ACKR3: variants seen among roughly 807,000 people sequenced by gnomAD.
The protein encoded by ACKR3 is C-X-C chemokine receptor type 7.
In ACKR3, 6 loss-of-function variants were observed where a neutral mutation model predicts 22.4. That is an observed-to-expected ratio of 0.27 (90% CI 0.15 to 0.53). The LOEUF is 0.53. Among genes scored for constraint, ACKR3 ranks in the 20% least tolerant of loss-of-function variants. The probability of loss-of-function intolerance (pLI) is 0.96; values close to 1 mark genes in which losing one functional copy is unlikely to be tolerated. For missense variants in ACKR3, 396 were observed against 475.2 expected, an observed-to-expected ratio of 0.83 and a Z score of 1.55; for synonymous variants, 209 against 205.2, an observed-to-expected ratio of 1.02 and a Z score of -0.16.
chr2:236,573,747 C>T (rs1473872861), intron 1 of ACKR3, among the ~76,000 whole-genome samples: 1 of 152,212 alleles, frequency 6.6e-6, no homozygotes, highest in Non-Finnish European at 1.5e-5. Flanking sequence ...TGCAAAGCTG[C>T]CTGTGGGGTT....
chr2:236,554,776 A>C, the ACKR3 span, among the ~76,000 whole-genome samples: 1 of 152,008 alleles, frequency 6.6e-6, no homozygotes, highest in African/African-American at 2.4e-5. Context: ...AGGAAACAAA[A>C]CCCTTCCTCC....
At chr2:236,546,300 C>T in the ACKR3 span, among the ~76,000 whole-genome samples, 2 of 152,136 alleles carry the variant, frequency 1.3e-5, no homozygotes, top group South Asian at 4.1e-4. The surrounding 1 kb of genome is among the most constrained non-coding windows in gnomAD (Gnocchi z 4.9). Context: ...AGGACGGCTT[C>T]TCAGGGCCCA....
the ACKR3 span, among the ~76,000 whole-genome samples, chr2:236,551,301 A>C: frequency 4.6e-5 from 7 of 152,104 alleles, no homozygotes; most frequent in Non-Finnish European, 8.8e-5. Flanking sequence ...CGGCCATTTG[A>C]GTCCCTTGTC....
chr2:236,550,292 G>A, the ACKR3 span, among the ~76,000 whole-genome samples: 1 of 152,250 alleles, frequency 6.6e-6, no homozygotes, highest in Admixed American at 6.5e-5. The surrounding 1 kb of genome is among the most constrained non-coding windows in gnomAD (Gnocchi z 4.6). Flanking sequence ...TGCAAGACGA[G>A]GTCCGCATGG....
chr2:236,580,182 A>G (rs1434173890), intron 1 of ACKR3, among the ~76,000 whole-genome samples: 2 of 152,276 alleles, frequency 1.3e-5, no homozygotes, highest in South Asian at 4.1e-4. Context: ...GAACACAGCC[A>G]TGAAAAGATG....
At chr2:236,550,480 C>G in the ACKR3 span, among the ~76,000 whole-genome samples, 9 of 152,222 alleles carry the variant, frequency 5.9e-5, no homozygotes, top group African/African-American at 1.9e-4. This position sits in a 1 kb window ranked among gnomAD's most constrained non-coding sequence, Gnocchi z 4.6. Context: ...GCAGCACCTT[C>G]TGAGGATATC....
chr2:236,581,811 G>A lies in ACKR3; in HGVS notation c.*257G>A, dbSNP rs1183233838. ...TGTGCGTCAGAGCCAGCTGAGGACA[G>A]GCTTGCCTGGACTTCTGTAAGATAG... On this transcript the variant is annotated 3_prime_UTR_variant, in exon 2 of 2. Transcript: ENST00000272928. The surrounding 1 kb of genome is among the most constrained non-coding windows in gnomAD (Gnocchi z 4.4). The A allele has an allele frequency of 2.8e-6, 1 of 353,024 alleles. No homozygotes were observed. Among genetic ancestry groups the A allele is most frequent in the Non-Finnish European group, 5.3e-6 (1 of 187,186 alleles). 21.9% of individuals were successfully genotyped at this position (353,024 alleles called of 1,614,324 possible).
upstream of ACKR3, among the ~76,000 whole-genome samples, chr2:236,566,120 T>G (rs1691175723): frequency 6.6e-6 from 1 of 152,114 alleles, no homozygotes; most frequent in African/African-American, 2.4e-5. Context: ...CGCTTTTAAG[T>G]CAGGTGCGGT....
the ACKR3 span, among the ~76,000 whole-genome samples, chr2:236,544,390 G>C: frequency 6.6e-6 from 1 of 152,138 alleles, no homozygotes; most frequent in Non-Finnish European, 1.5e-5. This position sits in a 1 kb window ranked among gnomAD's most constrained non-coding sequence, Gnocchi z 5.0. Context: ...AGGGGTCATC[G>C]TATGATCAGC....
chr2:236,559,528 C>T, the ACKR3 span, among the ~76,000 whole-genome samples: 1 of 152,182 alleles, frequency 6.6e-6, no homozygotes, highest in African/African-American at 2.4e-5. Context: ...ACAATATGTG[C>T]TTTGCTTTGA....
intron 1 of ACKR3, among the ~76,000 whole-genome samples, chr2:236,572,487 C>T (rs1039666657): frequency 7.2e-5 from 11 of 152,228 alleles, no homozygotes; most frequent in Admixed American, 2.6e-4. Context: ...GCTTTTCCTG[C>T]TATAACAGAT....
chr2:236,548,586 A>G, the ACKR3 span, among the ~76,000 whole-genome samples: 1 of 152,108 alleles, frequency 6.6e-6, no homozygotes, highest in Admixed American at 6.5e-5. The surrounding 1 kb of genome is among the most constrained non-coding windows in gnomAD (Gnocchi z 4.3). Context: ...CAGCTTTGTC[A>G]CCTGCCCCGT....
At chr2:236,545,407 C>T in the ACKR3 span, among the ~76,000 whole-genome samples, 1 of 152,190 alleles carries the variant, frequency 6.6e-6, no homozygotes, top group Non-Finnish European at 1.5e-5. The surrounding 1 kb of genome is among the most constrained non-coding windows in gnomAD (Gnocchi z 5.3). Context: ...AAAGTCACAT[C>T]ACGTAGAAAC....
the ACKR3 span, among the ~76,000 whole-genome samples, chr2:236,561,634 G>C: frequency 6.6e-6 from 1 of 152,060 alleles, no homozygotes; most frequent in Non-Finnish European, 1.5e-5. Context: ...TGGGATTACA[G>C]GTGTGTGCCA....
chr2:236,566,838 C>CTCTT (rs201570476), upstream of ACKR3, among the ~76,000 whole-genome samples: 43 of 148,644 alleles, frequency 2.9e-4, no homozygotes, highest in Admixed American at 1.1e-3. Flanking sequence ...CATCTCTTTC[C>CTCTT]TCTTTCTTTC....
chr2:236,561,794 A>T, the ACKR3 span, among the ~76,000 whole-genome samples: 1 of 152,210 alleles, frequency 6.6e-6, no homozygotes, highest in Non-Finnish European at 1.5e-5. Flanking sequence ...ACCTGGCCGC[A>T]TGACTGACTT....
the ACKR3 span, among the ~76,000 whole-genome samples, chr2:236,538,167 C>A: frequency 3.3e-5 from 5 of 152,158 alleles, no homozygotes; most frequent in East Asian, 9.7e-4. Context: ...TAGCACACAT[C>A]ACACCTGGTA....
chr2:236,551,598 A>C, the ACKR3 span, among the ~76,000 whole-genome samples: 1 of 152,094 alleles, frequency 6.6e-6, no homozygotes, highest in South Asian at 2.1e-4. Flanking sequence ...TCCAATGTAA[A>C]AATGGACTGT....
intron 1 of ACKR3, among the ~76,000 whole-genome samples, chr2:236,575,401 CTG>C (rs1381122560): frequency 6.8e-6 from 1 of 147,856 alleles, no homozygotes; most frequent in African/African-American, 2.5e-5. Flanking sequence ...GTGCGTGTGT[CTG>C]GGGTTGTGCT....
Sources: gnomAD v4.1 joint callset for allele counts (sites outside exome capture counted in the v4.1 genomes callset) on GRCh38, gnomAD v4.1.1 for gene constraint, Gnocchi (gnomAD v3.1) non-coding constraint, MANE v1.5 for transcripts, NCBI Gene and HGNC (gene_info 2026-07-23, HGNC 2026-07-21) for gene names.